COQ6: variants seen among roughly 807,000 people sequenced by gnomAD.
COQ6 encodes ubiquinone biosynthesis monooxygenase COQ6, mitochondrial.
Under a neutral mutation model 55.5 loss-of-function variants are expected in COQ6, and 45 were observed. The observed-to-expected ratio is 0.81, with a 90% CI of 0.64 to 1.04. The LOEUF is 1.04. Ranked by LOEUF, COQ6 falls within the 50% of genes least tolerant of loss-of-function variation. The probability of loss-of-function intolerance (pLI) is 0.00; values close to 1 mark genes in which losing one functional copy is unlikely to be tolerated. For missense variants in COQ6, 550 were observed against 601.3 expected (o/e 0.91, Z 0.89); for synonymous variants, 206 against 230.5 (o/e 0.89, Z 0.96).
chr14:73,958,868 AC>A (rs911489446), intron 5 of COQ6, 102 bp from the exon 6 acceptor site: 1 of 1,556,454 alleles, frequency 6.4e-7, no homozygotes, highest in Non-Finnish European at 8.7e-7. Context: ...TTATCCTGCC[AC>A]ACAACAATCA....
rs17094182 is a variant in COQ6, at chr14:73,953,737, C to A, written c.298+168C>A. The A allele has an allele frequency of 0.067, 54,707 of 822,286 alleles. 3,835 individuals carry two copies. Among genetic ancestry groups the A allele is most frequent in the East Asian group, 0.32 (12,343 of 38,242 alleles). The allele number at this position is 822,286 out of a possible 1,614,324, so 50.9% of individuals were successfully genotyped here. A position where few individuals can be genotyped will look rare whatever the true frequency, so the allele number is the denominator to read the frequency against. On this transcript the variant is annotated intron_variant, in intron 2 of 11. Transcript: ENST00000334571. ...CTAGGGCAGAGTTGAAGATGTGGAC[C>A]CCTGCAGTTGCTACTGCCTCAACTC...
chr14:73,961,841 TC>T lies in COQ6; in HGVS notation c.1319del (p.Pro440ArgfsTer40). 6.2e-7 allele frequency: 1 copy of T among 1,614,156 alleles called. No individual in the cohort carries two copies. On this transcript the variant is annotated frameshift_variant, in exon 11 of 12. Coordinates refer to ENST00000334571, the MANE Select transcript of COQ6 (RefSeq NM_182476.3). LOFTEE classifies it high-confidence loss of function. ...LLKRLYSTSA[S>X]PLVLLRTWGL... Reference sequence around the variant, plus strand: ...AAAAAGGCTCTATTCTACCAGTGCCTCCCCGCTTGTGTTGCTCAGGACGTGG... The same window carrying T: ...AAAAAGGCTCTATTCTACCAGTGCCTCCCGCTTGTGTTGCTCAGGACGTGG...
intron 1 of COQ6, among the ~76,000 whole-genome samples, chr14:73,953,041 C>G (rs1318396601): frequency 1.3e-5 from 2 of 152,190 alleles, no homozygotes; most frequent in African/African-American, 4.8e-5. Context: ...CTTGTTTATT[C>G]CACTTTTTCT....
chr14:73,951,177 G>A (rs1055032153), intron 1 of COQ6, among the ~76,000 whole-genome samples: 4 of 151,876 alleles, frequency 2.6e-5, no homozygotes, highest in African/African-American at 7.3e-5. Flanking sequence ...GTATTTTTTT[G>A]TAGAGACGAG....
chr14:73,961,233 G>A lies in COQ6; in HGVS notation c.952G>A (p.Val318Ile), dbSNP rs756845757. Residue 318 changes from valine (V) to isoleucine (I), a missense_variant, in exon 9 of 12, where the codon GTC becomes ATC. Coordinates refer to ENST00000334571, the MANE Select transcript of COQ6 (RefSeq NM_182476.3). ...AGCTGGTGCCATGCTGCAGTATGCT[G>A]TCAGCCTTCTGAAGCCCACTAAGGT... ...DTAGAMLQYA[V>I]SLLKPTKVSA... 1.2e-6 allele frequency: 2 copies of A among 1,614,130 alleles called. No homozygotes were observed. Among genetic ancestry groups the A allele is most frequent in the South Asian group, 2.2e-5 (2 of 91,056 alleles).
At chr14:73,957,400 G>T (rs933675828) in intron 4 of COQ6, among the ~76,000 whole-genome samples, 2 of 152,188 alleles carry the variant, frequency 1.3e-5, no homozygotes, top group East Asian at 3.9e-4. Context: ...TATTTAAATC[G>T]CTTTGTTGAC....
chr14:73,958,959 G>C lies in COQ6; in HGVS notation c.613-12G>C. The C allele has an allele frequency of 6.2e-7, 1 of 1,613,504 alleles. No homozygotes were observed. Among genetic ancestry groups the C allele is most frequent in the Non-Finnish European group, 8.5e-7 (1 of 1,180,020 alleles). Reference sequence around the variant, plus strand: ...AGGCTGGAAGACTTAGCAGGCTCATGTGTCCATGCAGATAGGTGCAGATGG... The same window carrying C: ...AGGCTGGAAGACTTAGCAGGCTCATCTGTCCATGCAGATAGGTGCAGATGG... On this transcript the variant is annotated splice_polypyrimidine_tract_variant and intron_variant, in intron 5 of 11. Coordinates refer to ENST00000334571, the MANE Select transcript of COQ6 (RefSeq NM_182476.3).
chr14:73,958,808 G>T, intron 5 of COQ6, 163 bp from the exon 6 acceptor site: 4 of 1,522,190 alleles, frequency 2.6e-6, no homozygotes, highest in Non-Finnish European at 2.6e-6. Context: ...TGATGTGACA[G>T]TGCAGGGGCT....
chr14:73,949,944 C>T (rs765101227), upstream of COQ6: 4 of 1,612,306 alleles, frequency 2.5e-6, no homozygotes, highest in East Asian at 6.7e-5. Context: ...GGATTCCTTT[C>T]CCGGGGGCAG....
Position 73,950,468 on chromosome 14 carries a change from G to C in COQ6, c.136G>C (p.Val46Leu). 6.2e-7 allele frequency: 1 copy of C among 1,609,626 alleles called. No homozygotes were observed. Residue 46 changes from valine to leucine, a missense_variant, in exon 1 of 12, where the codon GTG becomes CTG. Coordinates refer to ENST00000334571, the MANE Select transcript of COQ6 (RefSeq NM_182476.3). ...CGTGGTGGTGTCGGGTGGAGGCCTG[G>C]TGGGCGCTGCCATGGCCTGTGCCTT... is the stretch of plus-strand genomic sequence containing the variant. Reference protein sequence around the residue: ...YDVVVSGGGLVGAAMACALGY... With the variant: ...YDVVVSGGGLLGAAMACALGY...
At chr14:73,955,372 T>G in intron 2 of COQ6, 79 bp from the exon 3 acceptor site, 1 of 1,039,270 alleles carries the variant, frequency 9.6e-7, no homozygotes, top group Non-Finnish European at 1.5e-6. Flanking sequence ...AACAACCTCT[T>G]ACGTAACAGG....
chr14:73,961,630 G>C, intron 10 of COQ6, 60 bp downstream of exon 10: 1 of 1,603,356 alleles, frequency 6.2e-7, no homozygotes, highest in Non-Finnish European at 8.5e-7. Context: ...CAAGATCAGG[G>C]CCCACAGTAG....
At position 73,950,471 on chromosome 14, in the gene COQ6, G is replaced by A; in HGVS notation, c.139G>A (p.Gly47Ser). ...GGTGGTGTCGGGTGGAGGCCTGGTG[G>A]GCGCTGCCATGGCCTGTGCCTTGGG... ...DVVVSGGGLV[G>S]AAMACALGYD... The change falls in exon 1 of 12, where the codon GGC becomes AGC. Residue 47 changes from glycine to serine, a missense_variant. Coordinates refer to ENST00000334571, the MANE Select transcript of COQ6 (RefSeq NM_182476.3). 6.2e-7 allele frequency: 1 copy of A among 1,609,500 alleles called. No individual in the cohort carries two copies. The highest frequency in any genetic ancestry group is 2.2e-5 in the East Asian group (1 of 44,766).
chr14:73,950,242 G>C (rs17552038), upstream of COQ6: 218,562 of 1,538,458 alleles, frequency 0.14, 17,104 homozygotes, highest in Admixed American at 0.25. Flanking sequence ...AGGACGCCGC[G>C]GAAGCGGGAC....
In COQ6 at chr14:73,958,571, G is replaced by A. The variant is rs111556456; in HGVS notation, c.612+294G>A. On this transcript the variant is annotated intron_variant, in intron 5 of 11. Coordinates refer to ENST00000334571, the MANE Select transcript of COQ6 (RefSeq NM_182476.3). The stretch of plus-strand genomic sequence containing the variant: ...GTTCTTTCCCTCTGAGGAGTCTGTG[G>A]TCATTGATCTCTTGCCTCTCATTTT... 9 of 1,298,324 alleles carry A rather than the reference G, an allele frequency of 6.9e-6. 1 individual carries two copies. The African/African-American group carries it at 9.0e-5, about 13-fold the overall frequency. The allele number at this position is 1,298,324 out of a possible 1,614,324, so 80.4% of individuals were successfully genotyped here.
At chr14:73,955,616 T>C (rs1172848881) in intron 3 of COQ6, 107 bp downstream of exon 3, 2 of 1,367,052 alleles carry the variant, frequency 1.5e-6, no homozygotes, top group East Asian at 2.3e-5. Context: ...TCAGACAAGG[T>C]TCACATTCAG....
chr14:73,952,478 C>T (rs2056241220), intron 1 of COQ6, among the ~76,000 whole-genome samples: 1 of 151,860 alleles, frequency 6.6e-6, no homozygotes, highest in African/African-American at 2.4e-5. Flanking sequence ...GCTCTGTCCC[C>T]CAGGTAGGAC....
At position 73,961,595 on chromosome 14, in the gene COQ6, A is replaced by G. The variant is rs746076594; in HGVS notation, c.1210+25A>G. The stretch of plus-strand genomic sequence containing the variant: ...GGTAAGGATTCAGATACTATGGGGA[A>G]GTATCCAGAGGTCATATAGTTAGGC... On this transcript the variant is annotated intron_variant, in intron 10 of 11. Coordinates refer to ENST00000334571, the MANE Select transcript of COQ6 (RefSeq NM_182476.3). 3.7e-6 allele frequency: 6 copies of G among 1,612,314 alleles called. No individual in the cohort carries two copies. In the South Asian group the frequency reaches 6.6e-5, roughly 18 times the overall value.
Position 73,950,505 on chromosome 14 carries a change from T to A in COQ6, c.163+10T>A. The stretch of plus-strand genomic sequence containing the variant: ...ATGGCCTGTGCCTTGGGTAAGCCCT[T>A]CTCCAGGCTACTAGTGGCCGGAAAC... On this transcript the variant is annotated intron_variant, in intron 1 of 11. Transcript: ENST00000334571. The A allele has an allele frequency of 6.3e-7, 1 of 1,599,486 alleles. No individual in the cohort carries two copies. Among genetic ancestry groups the A allele is most frequent in the South Asian group, 1.1e-5 (1 of 88,852 alleles).
Sources: gnomAD v4.1 joint callset for allele counts (sites outside exome capture counted in the v4.1 genomes callset) on GRCh38, gnomAD v4.1.1 for gene constraint, MANE v1.5 for transcripts, NCBI Gene and HGNC (gene_info 2026-07-23, HGNC 2026-07-21) for gene names.